Variants in MAMSTR observed in about 807,000 individuals in gnomAD.
The protein encoded by MAMSTR is MEF2-activating motif and SAP domain-containing transcriptional regulator.
In MAMSTR, 41 loss-of-function variants were observed where a neutral mutation model predicts 42.7. The ratio of observed to expected loss-of-function variants is 0.96; its 90% CI spans 0.75 to 1.25. The LOEUF is 1.25. Ranked by LOEUF, MAMSTR falls within the 50% of genes most tolerant of loss-of-function variation. The pLI, the probability that MAMSTR is intolerant of heterozygous loss-of-function variation, is 0.00. For missense variants in MAMSTR, 567 were observed against 557.6 expected, an observed-to-expected ratio of 1.02 and a Z score of -0.17; for synonymous variants, 265 against 244.1, an observed-to-expected ratio of 1.09 and a Z score of -0.80.
At position 48,719,086 on chromosome 19, in the gene MAMSTR, A is replaced by T; in HGVS notation, c.-21-34T>A. The T allele has an allele frequency of 2.0e-6, 3 of 1,482,048 alleles. No individual in the cohort carries two copies. Among genetic ancestry groups the T allele is most frequent in the Non-Finnish European group, 2.8e-6 (3 of 1,086,302 alleles). The allele number at this position is 1,482,048 out of a possible 1,614,324, so 91.8% of individuals were successfully genotyped here. On this transcript the variant is annotated intron_variant, in intron 1 of 9. Coordinates refer to ENST00000318083, the MANE Select transcript of MAMSTR (RefSeq NM_001130915.2). The surrounding 1 kb of genome is among the most constrained non-coding windows in gnomAD (Gnocchi z 4.4). The stretch of plus-strand genomic sequence containing the variant: ...AGAGGGGGCAGGGCAGGGGCCCCAT[A>T]GAGGGCTGGCTCAGAGTGGAGGTCA...
downstream of MAMSTR, among the ~76,000 whole-genome samples, chr19:48,709,358 G>A (rs1302637297): frequency 6.6e-6 from 1 of 152,056 alleles, no homozygotes; most frequent in African/African-American, 2.4e-5. Flanking sequence ...ATGTTGGTCA[G>A]GCTGGTCTCG....
At chr19:48,708,231 C>CAAAAAA (rs66744711), downstream of MAMSTR, among the ~76,000 whole-genome samples, 28 of 118,724 alleles carry the variant, frequency 2.4e-4, no homozygotes, top group East Asian at 7.6e-4. Flanking sequence ...TGAACTCCAT[C>CAAAAAA]AAAAAAAAAA....
At chr19:48,708,882 G>T (rs997808890), downstream of MAMSTR, among the ~76,000 whole-genome samples, 4 of 152,112 alleles carry the variant, frequency 2.6e-5, no homozygotes, top group African/African-American at 9.7e-5. Flanking sequence ...GGAGAGAACA[G>T]CCAGAGGGCA....
chr19:48,714,468 C>G lies in MAMSTR; in HGVS notation c.621G>C (p.Pro207=). The change falls in exon 7 of 10, where the codon CCG becomes CCC. Residue 207 remains proline, a synonymous_variant. Transcript: ENST00000318083. ...MLLERMRGGA[P]PRERPKPRRE... is the part of the protein sequence containing the mutation. ...GCCGCGGCTTCGGCCGCTCGCGGGG[C>G]GGCGCGCCGCCGCGCATGCGCTCCA... is the stretch of plus-strand genomic sequence containing the variant. 1 of 1,359,266 alleles carries G rather than the reference C, an allele frequency of 7.4e-7. No homozygotes were observed. The highest frequency in any genetic ancestry group is 9.4e-7 in the Non-Finnish European group (1 of 1,067,410). 84.2% of individuals were successfully genotyped at this position (1,359,266 alleles called of 1,614,324 possible). A position where few individuals can be genotyped will look rare whatever the true frequency, so the allele number is the denominator to read the frequency against.
At chr19:48,716,501 C>A (rs2122343495) in intron 3 of MAMSTR, among the ~76,000 whole-genome samples, 1 of 151,396 alleles carries the variant, frequency 6.6e-6, no homozygotes, top group Admixed American at 6.6e-5. Flanking sequence ...GGTGGAGAAG[C>A]AGGAAGCAGA....
downstream of MAMSTR, among the ~76,000 whole-genome samples, chr19:48,712,422 TCTC>T (rs1568465419): frequency 1.1e-4 from 17 of 149,544 alleles, no homozygotes; most frequent in African/African-American, 2.2e-4. Flanking sequence ...TTTTTCTCTC[TCTC>T]TTTTTTTTTT....
chr19:48,719,360 G>A lies in MAMSTR; in HGVS notation c.-21-308C>T, dbSNP rs1199864736. Among the ~76,000 whole-genome samples the A allele has an allele frequency of 6.6e-6, 1 of 152,116 alleles. No homozygotes were observed. The highest frequency in any genetic ancestry group is 1.5e-5 in the Non-Finnish European group (1 of 67,998). On this transcript the variant is annotated intron_variant, in intron 1 of 9. Coordinates refer to ENST00000318083, the MANE Select transcript of MAMSTR (RefSeq NM_001130915.2). This position sits in a 1 kb window ranked among gnomAD's most constrained non-coding sequence, Gnocchi z 4.4. ...GAATCTGGGACTCCTGGGTCCTGAGGAGGAAGGGTTGCGGGTTGGGACCCC... is the reference window on the plus strand; with the variant it reads ...GAATCTGGGACTCCTGGGTCCTGAGAAGGAAGGGTTGCGGGTTGGGACCCC...
rs754078323 is a variant in MAMSTR at position 48,713,048 on chromosome 19, C to T, written c.*219G>A. 10 of 505,358 alleles carry T rather than the reference C, an allele frequency of 2.0e-5. No individual in the cohort carries two copies. The highest frequency in any genetic ancestry group is 3.4e-5 in the Non-Finnish European group (10 of 290,956). 31.3% of individuals were successfully genotyped at this position (505,358 alleles called of 1,614,324 possible). On this transcript the variant is annotated 3_prime_UTR_variant, in exon 10 of 10. Transcript: ENST00000318083. ...GCCGTGGCCAGCAGCAAAAGAAGCC[C>T]CCCAACCATACCACGCCGGAGGGGG...
chr19:48,709,146 T>A (rs1467162748), downstream of MAMSTR, among the ~76,000 whole-genome samples: 1 of 152,052 alleles, frequency 6.6e-6, no homozygotes, highest in Non-Finnish European at 1.5e-5. Flanking sequence ...CAGAAATGGC[T>A]GGGCATGGTG....
At chr19:48,715,923 G>T in intron 3 of MAMSTR, 156 bp from the exon 4 acceptor site, 1 of 1,425,888 alleles carries the variant, frequency 7.0e-7, no homozygotes, top group Non-Finnish European at 9.1e-7. Flanking sequence ...TGGATCTGAG[G>T]GCGGAGGTGT....
At chr19:48,712,382 CT>C (rs1284468433), downstream of MAMSTR, among the ~76,000 whole-genome samples, 1 of 151,846 alleles carries the variant, frequency 6.6e-6, no homozygotes, top group Non-Finnish European at 1.5e-5. Flanking sequence ...CCCCACTCTT[CT>C]GCTGGTTTCT....
intron 5 of MAMSTR, 84 bp from the exon 6 acceptor site, chr19:48,714,992 G>T: frequency 1.1e-6 from 1 of 910,944 alleles, no homozygotes; most frequent in Non-Finnish European, 1.7e-6. Context: ...ACGGGGAGCT[G>T]GGGAAGATGC....
downstream of MAMSTR, among the ~76,000 whole-genome samples, chr19:48,710,653 GTGGCGCGA>G (rs2032708805): frequency 6.9e-6 from 1 of 145,830 alleles, no homozygotes; most frequent in South Asian, 2.2e-4. Flanking sequence ...CTGGAGTGCA[GTGGCGCGA>G]TCTTGGCTCA....
chr19:48,715,470 T>C (rs1290542199), intron 4 of MAMSTR, 24 bp from the exon 5 acceptor site: 4 of 1,474,650 alleles, frequency 2.7e-6, no homozygotes, highest in Non-Finnish European at 3.6e-6. Flanking sequence ...TGTGATGTTT[T>C]AGGCTTCAGC....
chr19:48,708,231 C>CAAAAAAA (rs66744711), downstream of MAMSTR, among the ~76,000 whole-genome samples: 18 of 118,810 alleles, frequency 1.5e-4, no homozygotes, highest in African/African-American at 1.8e-4. Flanking sequence ...TGAACTCCAT[C>CAAAAAAA]AAAAAAAAAA....
In MAMSTR at chr19:48,713,382, G is replaced by A. The variant is rs754714526; in HGVS notation, c.1133C>T (p.Ala378Val). ...DPTDSLDWLE[A>V]LSGGPPLGSG... ...ACCCAGAGGAGGACCCCCGCTCAGG[G>A]CCTCCAGCCAGTCCAGGGAGTCCGT... The change falls in exon 10 of 10, where the codon GCC (alanine) becomes GTC (valine). Residue 378 changes from alanine to valine, a missense_variant. Coordinates refer to ENST00000318083, the MANE Select transcript of MAMSTR (RefSeq NM_001130915.2). The A allele has an allele frequency of 9.9e-6, 16 of 1,611,320 alleles. No individual in the cohort carries two copies. The highest frequency in any genetic ancestry group is 3.4e-6 in the Non-Finnish European group (4 of 1,179,298).
chr19:48,710,754 A>G (rs1431562690), downstream of MAMSTR, among the ~76,000 whole-genome samples: 1 of 151,436 alleles, frequency 6.6e-6, no homozygotes, highest in Non-Finnish European at 1.5e-5. Flanking sequence ...ATGCCCAGCT[A>G]ATTTTTGTAT....
chr19:48,716,568 G>A, intron 3 of MAMSTR, 137 bp downstream of exon 3: 1 of 977,480 alleles, frequency 1.0e-6, no homozygotes, highest in South Asian at 4.9e-5. Flanking sequence ...GAAAGGACAG[G>A]ATGGGATTTT....
chr19:48,716,565 C>T, intron 3 of MAMSTR, 140 bp downstream of exon 3: 1 of 962,316 alleles, frequency 1.0e-6, no homozygotes, highest in Non-Finnish European at 1.4e-6. Flanking sequence ...TGGGAAAGGA[C>T]AGGATGGGAT....
Sources: gnomAD v4.1 joint callset for allele counts (sites outside exome capture counted in the v4.1 genomes callset) on GRCh38, gnomAD v4.1.1 for gene constraint, Gnocchi (gnomAD v3.1) non-coding constraint, MANE v1.5 for transcripts, NCBI Gene and HGNC (gene_info 2026-07-23, HGNC 2026-07-21) for gene names.